ADGRB3: variants seen among roughly 807,000 people sequenced by gnomAD.
ADGRB3 encodes the protein brain-specific angiogenesis inhibitor 3.
Under a neutral mutation model 193.4 loss-of-function variants are expected in ADGRB3, and 37 were observed. The observed-to-expected ratio is 0.19, with a 90% CI of 0.15 to 0.25. ADGRB3 has a LOEUF of 0.25. Ranked by LOEUF, ADGRB3 falls within the 10% of genes least tolerant of loss-of-function variation. The pLI is 1.00. For synonymous variants in ADGRB3, 690 were observed against 644.2 expected, an observed-to-expected ratio of 1.07 and a Z score of -1.08; for missense variants, 1,637 against 1,852.9, an observed-to-expected ratio of 0.88 and a Z score of 2.14.
intron 3 of ADGRB3, among the ~76,000 whole-genome samples, chr6:68,848,134 G>A (rs1768319512): frequency 6.6e-6 from 1 of 151,606 alleles, no homozygotes; most frequent in African/African-American, 2.4e-5. Context: ...ATTTTAAAAG[G>A]ATTAAAAACT....
At chr6:69,152,543 C>T (rs1262668426) in intron 17 of ADGRB3, among the ~76,000 whole-genome samples, 1 of 152,088 alleles carries the variant, frequency 6.6e-6, no homozygotes, top group Non-Finnish European at 1.5e-5. Context: ...GTGACTTGCC[C>T]CTCATCACAA....
At chr6:68,835,228 G>A (rs1768023827) in intron 3 of ADGRB3, among the ~76,000 whole-genome samples, 1 of 152,146 alleles carries the variant, frequency 6.6e-6, no homozygotes, top group Non-Finnish European at 1.5e-5. Flanking sequence ...TTCTGGTGGG[G>A]AGGCTTTGCT....
At chr6:69,207,449 G>T (rs1024018211) in intron 17 of ADGRB3, among the ~76,000 whole-genome samples, 11 of 152,148 alleles carry the variant, frequency 7.2e-5, no homozygotes, top group African/African-American at 2.7e-4. Flanking sequence ...TATAGGAGGG[G>T]CCAAATGCAG....
At chr6:68,997,230 A>T (rs556602995) in intron 11 of ADGRB3, among the ~76,000 whole-genome samples, 1 of 152,312 alleles carries the variant, frequency 6.6e-6, no homozygotes, top group Admixed American at 6.5e-5. Context: ...ACTCCAATAA[A>T]CATACACAGG....
chr6:69,252,610 A>G (rs964071657), intron 20 of ADGRB3, among the ~76,000 whole-genome samples: 61 of 152,262 alleles, frequency 4.0e-4, no homozygotes, highest in African/African-American at 1.4e-3. Flanking sequence ...AATAAAGTTT[A>G]GCACCTTTTC....
At chr6:68,880,026 T>C in intron 3 of ADGRB3, among the ~76,000 whole-genome samples, 1 of 152,124 alleles carries the variant, frequency 6.6e-6, no homozygotes. Flanking sequence ...TTTAATAAAA[T>C]AGAATTTTGT....
chr6:68,739,483 T>C lies in ADGRB3; in HGVS notation c.757+100051T>C, dbSNP rs566451571. ...AGAGGGGATGGGGCCTGATGCACAATTGGAGGGATTTTCTTCAGATAGCAG... is the reference window on the plus strand; with the variant it reads ...AGAGGGGATGGGGCCTGATGCACAACTGGAGGGATTTTCTTCAGATAGCAG... On this transcript the variant is annotated intron_variant, in intron 3 of 31. Coordinates refer to ENST00000370598, the MANE Select transcript of ADGRB3 (RefSeq NM_001704.3). Among the ~76,000 whole-genome samples, 81 of 152,138 alleles carry C rather than the reference T, an allele frequency of 5.3e-4. 2 individuals carry two copies. The highest frequency in any genetic ancestry group is 2.5e-4 in the Non-Finnish European group (17 of 67,982).
At chr6:69,206,427 A>G (rs1337882654) in intron 17 of ADGRB3, among the ~76,000 whole-genome samples, 2 of 152,096 alleles carry the variant, frequency 1.3e-5, no homozygotes, top group African/African-American at 2.4e-5. Context: ...GTATTCTTCA[A>G]TTCAGTCAAA....
At chr6:69,360,209 C>T (rs1040787642) in intron 28 of ADGRB3, among the ~76,000 whole-genome samples, 9 of 151,698 alleles carry the variant, frequency 5.9e-5, no homozygotes, top group African/African-American at 1.9e-4. Flanking sequence ...TTAATATTCC[C>T]GCAAGGGCAT....
chr6:69,048,409 T>C (rs1365139525), intron 14 of ADGRB3, 75 bp downstream of exon 14: 3 of 1,393,056 alleles, frequency 2.2e-6, no homozygotes, highest in Non-Finnish European at 2.0e-6. Flanking sequence ...TAGGTATAAA[T>C]CTTCATACAT....
At chr6:69,208,004 G>T (rs2150360144) in intron 17 of ADGRB3, among the ~76,000 whole-genome samples, 1 of 152,332 alleles carries the variant, frequency 6.6e-6, no homozygotes, top group South Asian at 2.1e-4. Context: ...CCCAAGGAAT[G>T]ATGCCATATC....
chr6:68,831,195 T>C (rs1767944968), intron 3 of ADGRB3, among the ~76,000 whole-genome samples: 1 of 149,068 alleles, frequency 6.7e-6, no homozygotes, highest in Non-Finnish European at 1.5e-5. Context: ...ATAAAAAACG[T>C]GGTGATGAAC....
At chr6:69,239,443 A>G (rs1766339599) in intron 20 of ADGRB3, among the ~76,000 whole-genome samples, 1 of 152,042 alleles carries the variant, frequency 6.6e-6, no homozygotes, top group Admixed American at 6.6e-5. Context: ...GAGGTTGTTC[A>G]TAAGAGTAAA....
intron 17 of ADGRB3, among the ~76,000 whole-genome samples, chr6:69,195,641 A>G (rs1765278602): frequency 6.6e-6 from 1 of 150,674 alleles, no homozygotes; most frequent in East Asian, 1.9e-4. Context: ...TTCTTTTTGT[A>G]TCCTGTGAAC....
In ADGRB3 at chr6:69,388,579, T is replaced by G. The variant is rs1161054258; in HGVS notation, c.4381-124T>G. 4 of 905,062 alleles carry G rather than the reference T, an allele frequency of 4.4e-6. No individual in the cohort carries two copies. In the East Asian group the frequency reaches 1.1e-4, roughly 24 times the overall value. The allele number at this position is 905,062 out of a possible 1,614,324, so 56.1% of individuals were successfully genotyped here. On this transcript the variant is annotated intron_variant, in intron 31 of 31. Coordinates refer to ENST00000370598, the MANE Select transcript of ADGRB3 (RefSeq NM_001704.3). ...CTATTTCCCACAGTTGGCCGTATTTTCAAGTCATCTCTGCATCACAGAAAC... is the reference window on the plus strand; with the variant it reads ...CTATTTCCCACAGTTGGCCGTATTTGCAAGTCATCTCTGCATCACAGAAAC...
chr6:68,708,804 T>C (rs1765365754), intron 3 of ADGRB3, among the ~76,000 whole-genome samples: 1 of 152,230 alleles, frequency 6.6e-6, no homozygotes, highest in Non-Finnish European at 1.5e-5. Flanking sequence ...AGTGAATATT[T>C]CATACTTGCA....
chr6:68,696,152 C>T (rs2127305670), intron 3 of ADGRB3, among the ~76,000 whole-genome samples: 1 of 152,076 alleles, frequency 6.6e-6, no homozygotes, highest in Non-Finnish European at 1.5e-5. Context: ...CCGAATTAGC[C>T]AAGATTAACA....
intron 17 of ADGRB3, among the ~76,000 whole-genome samples, chr6:69,102,845 T>A (rs1773103391): frequency 6.6e-6 from 1 of 152,238 alleles, no homozygotes; most frequent in South Asian, 2.1e-4. Flanking sequence ...CATGAATACA[T>A]TATCACTATG....
In ADGRB3 at chr6:68,956,103, G is replaced by A. The variant is rs1445483782; in HGVS notation, c.1275G>A (p.Arg425=). Residue 425 remains arginine (R), a synonymous_variant, in exon 7 of 32, where the codon CGG becomes CGA. Coordinates refer to ENST00000370598, the MANE Select transcript of ADGRB3 (RefSeq NM_001704.3). ...CGAATGGGACTCAGCAGAGAAGCCG[G>A]CAGTGCACTGCAGCTGCCCATGGAG... The part of the protein sequence containing the change: ...TCSNGTQQRS[R]QCTAAAHGGS... 6.2e-7 allele frequency: 1 copy of A among 1,614,006 alleles called. No individual in the cohort carries two copies. Among genetic ancestry groups the A allele is most frequent in the Non-Finnish European group, 8.5e-7 (1 of 1,179,956 alleles).
Sources: allele counts gnomAD v4.1 joint callset (sites outside exome capture counted in the v4.1 genomes callset), GRCh38; gene constraint gnomAD v4.1.1; transcripts MANE v1.5; gene names NCBI Gene and HGNC (gene_info 2026-07-23, HGNC 2026-07-21).